Variants in WSB1 observed in about 807,000 individuals in gnomAD.
WSB1 encodes the protein WD repeat and SOCS box containing 1.
A neutral mutation model predicts 50.2 loss-of-function variants in WSB1; 23 were observed. That is an observed-to-expected ratio of 0.46 (90% CI 0.33 to 0.65). The LOEUF (loss-of-function observed/expected upper bound fraction) is 0.65. Among genes scored for constraint, WSB1 ranks in the 30% least tolerant of loss-of-function variants. WSB1 has a pLI of 0.02. For synonymous variants in WSB1, 179 were observed against 172.0 expected, an observed-to-expected ratio of 1.04 and a Z score of -0.32; for missense variants, 492 against 522.3, an observed-to-expected ratio of 0.94 and a Z score of 0.56.
intron 5 of WSB1, chr17:27,307,802 C>T: frequency 6.5e-7 from 1 of 1,531,304 alleles, no homozygotes; most frequent in Non-Finnish European, 8.7e-7. Flanking sequence ...CACACAGGCG[C>T]ACAATGGTGT....
chr17:27,301,974 C>A lies in WSB1; in HGVS notation c.209+18C>A. The A allele has an allele frequency of 1.3e-6, 2 of 1,527,892 alleles. No homozygotes were observed. The highest frequency in any genetic ancestry group is 1.3e-5 in the South Asian group (1 of 76,676). The allele number at this position is 1,527,892 out of a possible 1,614,324, so 94.6% of individuals were successfully genotyped here. ...CAGAACTTGTAAGACTGTTACTTTT[C>A]TGTATTTTGTATCTGTTTGTGGAAT... On this transcript the variant is annotated intron_variant, in intron 2 of 8. Transcript: ENST00000262394.
chr17:27,307,808 G>T, intron 5 of WSB1: 1 of 1,524,798 alleles, frequency 6.6e-7, no homozygotes, highest in Non-Finnish European at 8.8e-7. Context: ...GGCGCACAAT[G>T]GTGTTAGCTG....
At chr17:27,306,632 CT>C in intron 4 of WSB1, 149 bp from the exon 5 acceptor site, 1 of 674,936 alleles carries the variant, frequency 1.5e-6, no homozygotes. Flanking sequence ...AATTTAAAAC[CT>C]AAGCAGCTGG....
rs746632734 is a variant in WSB1, at chr17:27,311,499, T to G, written c.999-10T>G. ...TCTACAAGATACTAAATAATTTATTTCATTTTCAGAATGGTGAGGTTCTGG... is the reference window on the plus strand; with the variant it reads ...TCTACAAGATACTAAATAATTTATTGCATTTTCAGAATGGTGAGGTTCTGG... On this transcript the variant is annotated splice_polypyrimidine_tract_variant and intron_variant, in intron 7 of 8. Coordinates refer to ENST00000262394, the MANE Select transcript of WSB1 (RefSeq NM_015626.10). 1 of 1,576,144 alleles carries G rather than the reference T, an allele frequency of 6.3e-7. No homozygotes were observed.
In WSB1 at chr17:27,294,294, C is replaced by T. The variant is rs1597745694; in HGVS notation, c.-102C>T. 4 of 1,519,528 alleles carry T rather than the reference C, an allele frequency of 2.6e-6. No individual in the cohort carries two copies. Among genetic ancestry groups the T allele is most frequent in the East Asian group, 2.3e-5 (1 of 43,132 alleles). The allele number at this position is 1,519,528 out of a possible 1,614,324, so 94.1% of individuals were successfully genotyped here. A position where few individuals can be genotyped will look rare whatever the true frequency, so the allele number is the denominator to read the frequency against. ...CCCGCCCGTCTCCTCTGTCCCTGGG[C>T]CCGGGAGGGACCAACTTGGCGTCAC... On this transcript the variant is annotated 5_prime_UTR_variant, in exon 1 of 9. Coordinates refer to ENST00000262394, the MANE Select transcript of WSB1 (RefSeq NM_015626.10).
intron 5 of WSB1, chr17:27,307,987 A>T: frequency 8.1e-7 from 1 of 1,241,228 alleles, no homozygotes; most frequent in Non-Finnish European, 1.0e-6. Flanking sequence ...AATTTCCCCC[A>T]CAGTAAAATA....
rs1175398181 is a variant in WSB1, at chr17:27,299,555, T to C, written c.41-2233T>C. Among the ~76,000 whole-genome samples the C allele has an allele frequency of 2.6e-5, 4 of 152,362 alleles. No homozygotes were observed. The East Asian group carries it at 7.7e-4, about 29-fold the overall frequency. ...ACGGCTAGTAAAGTTAATGTCATCTTATGCTGTGCTAATATGGGGTGGGTG... is the reference window on the plus strand; with the variant it reads ...ACGGCTAGTAAAGTTAATGTCATCTCATGCTGTGCTAATATGGGGTGGGTG... On this transcript the variant is annotated intron_variant, in intron 1 of 8. Coordinates refer to ENST00000262394, the MANE Select transcript of WSB1 (RefSeq NM_015626.10).
intron 2 of WSB1, 164 bp from the exon 3 acceptor site, chr17:27,303,203 G>T: frequency 1.4e-6 from 1 of 738,936 alleles, no homozygotes; most frequent in Non-Finnish European, 2.1e-6. Flanking sequence ...TTCTCTCGTA[G>T]TTCAAATATC....
intron 6 of WSB1, 91 bp from the exon 7 acceptor site, chr17:27,309,970 A>G (rs1170577956): frequency 2.1e-6 from 2 of 956,702 alleles, no homozygotes; most frequent in African/African-American, 3.3e-5. Context: ...GCTACTTTAA[A>G]CACTATTCAA....
chr17:27,305,351 G>A (rs979041019), intron 4 of WSB1, among the ~76,000 whole-genome samples: 1 of 152,004 alleles, frequency 6.6e-6, no homozygotes, highest in Non-Finnish European at 1.5e-5. Flanking sequence ...CTTATAACAT[G>A]TGAATATTAG....
intron 1 of WSB1, among the ~76,000 whole-genome samples, chr17:27,296,019 A>T (rs925246435): frequency 1.6e-4 from 25 of 152,176 alleles, no homozygotes; most frequent in Middle Eastern, 6.8e-3. Context: ...TTTTTAGTAG[A>T]GATGGGGTTT....
intron 5 of WSB1, chr17:27,307,177 T>TTA (rs1816727333): frequency 7.1e-6 from 2 of 280,476 alleles, no homozygotes; most frequent in Non-Finnish European, 1.3e-5. Context: ...GTCTATATGT[T>TTA]AAGACATTCC....
At position 27,313,625 on chromosome 17, in the gene WSB1, A is replaced by T. The variant is rs2150847353; in HGVS notation, c.*1256A>T. ...TTTTTTAATTAAAGACTTGTAAAAA[A>T]AAAAAACAGTATATTGCAAATGTTT... On this transcript the variant is annotated 3_prime_UTR_variant, in exon 9 of 9. Coordinates refer to ENST00000262394, the MANE Select transcript of WSB1 (RefSeq NM_015626.10). 6.6e-6 allele frequency: 1 copy of T among 152,656 alleles called. No homozygotes were observed. Among genetic ancestry groups the T allele is most frequent in the East Asian group, 1.9e-4 (1 of 5,192 alleles). 9.5% of individuals were successfully genotyped at this position (152,656 alleles called of 1,614,324 possible). A position where few individuals can be genotyped will look rare whatever the true frequency, so the allele number is the denominator to read the frequency against.
rs1210225227 is a variant in WSB1 at position 27,307,696 on chromosome 17, A to G, written c.711+814A>G. 6.6e-6 allele frequency: 10 copies of G among 1,525,940 alleles called. No homozygotes were observed. The Admixed American group carries it at 8.1e-5, about 12-fold the overall frequency. 94.5% of individuals were successfully genotyped at this position (1,525,940 alleles called of 1,614,324 possible). ...AACAAAATTAGATGTTGACATTGCT[A>G]TTTTAGGCTGTGTGTTTTCCATATG... On this transcript the variant is annotated intron_variant, in intron 5 of 8. Coordinates refer to ENST00000262394, the MANE Select transcript of WSB1 (RefSeq NM_015626.10).
chr17:27,306,879 A>G lies in WSB1; in HGVS notation c.708A>G (p.Lys236=). 1 of 1,614,106 alleles carries G rather than the reference A, an allele frequency of 6.2e-7. No homozygotes were observed. Among genetic ancestry groups the G allele is most frequent in the Non-Finnish European group, 8.5e-7 (1 of 1,179,982 alleles). ...TGCTGTGTTCAGTCGGAGCCAGTAA[A>G]GCAGTACGTGTCAAAGTTCTTGTAC... ...SSMLCSVGAS[K]AVFLWNMDKY... Residue 236 remains lysine, a synonymous_variant, in exon 5 of 9, where the codon AAA becomes AAG. Transcript: ENST00000262394.
intron 2 of WSB1, chr17:27,302,419 A>C (rs1391974881): frequency 6.5e-6 from 1 of 152,902 alleles, no homozygotes; most frequent in East Asian, 1.9e-4. Flanking sequence ...TCAAAAAAAA[A>C]AAAAAAAAAA....
intron 5 of WSB1, chr17:27,307,548 T>G (rs2017511082): frequency 1.7e-6 from 1 of 579,324 alleles, no homozygotes; most frequent in Non-Finnish European, 3.0e-6. Context: ...TTTGAATTAA[T>G]GGAGGGTGGG....
Position 27,313,048 on chromosome 17 carries a change from A to T in WSB1, c.*679A>T, listed in dbSNP as rs1237312478. ...AGAGCGAGACTCCATCTCAAAAAAAAAAAAAAATTGTGTTGCCTCATACGA... is the reference window on the plus strand; with the variant it reads ...AGAGCGAGACTCCATCTCAAAAAAATAAAAAAATTGTGTTGCCTCATACGA... On this transcript the variant is annotated 3_prime_UTR_variant, in exon 9 of 9. Transcript: ENST00000262394. 1 of 152,518 alleles carries T rather than the reference A, an allele frequency of 6.6e-6. No homozygotes were observed. Among genetic ancestry groups the T allele is most frequent in the African/African-American group, 2.4e-5 (1 of 41,392 alleles). The allele number at this position is 152,518 out of a possible 1,614,324, so 9.4% of individuals were successfully genotyped here.
chr17:27,298,050 G>A (rs186627091), intron 1 of WSB1, among the ~76,000 whole-genome samples: 4 of 150,588 alleles, frequency 2.7e-5, no homozygotes, highest in South Asian at 4.2e-4. Context: ...GCTTGAACCC[G>A]GGAGGCAGAG....
Sources: allele counts gnomAD v4.1 joint callset (sites outside exome capture counted in the v4.1 genomes callset), GRCh38; gene constraint gnomAD v4.1.1; transcripts MANE v1.5; gene names NCBI Gene and HGNC (gene_info 2026-07-23, HGNC 2026-07-21).